Variants in CDH18 observed in about 807,000 individuals in gnomAD.
The protein encoded by CDH18 is cadherin-18.
Under a neutral mutation model 67.9 loss-of-function variants are expected in CDH18, and 31 were observed. The ratio of observed to expected loss-of-function variants is 0.46; its 90% CI spans 0.34 to 0.62. The LOEUF (loss-of-function observed/expected upper bound fraction) is 0.62. CDH18 is among the 20% of genes least tolerant of loss of function. CDH18 has a pLI of 0.01. For synonymous variants in CDH18, 362 were observed against 347.2 expected, an observed-to-expected ratio of 1.04 and a Z score of -0.48; for missense variants, 890 against 975.5, an observed-to-expected ratio of 0.91 and a Z score of 1.17.
intron 1 of CDH18, among the ~76,000 whole-genome samples, chr5:20,455,536 C>T (rs772355905): frequency 5.3e-5 from 8 of 151,998 alleles, no homozygotes; most frequent in South Asian, 2.1e-4. Context: ...AGGGGATAGA[C>T]GCTAAGATAA....
At chr5:20,341,281 C>G (rs552561885) in intron 1 of CDH18, among the ~76,000 whole-genome samples, 1 of 152,058 alleles carries the variant, frequency 6.6e-6, no homozygotes, top group Non-Finnish European at 1.5e-5. Context: ...AAATCAGCAA[C>G]CAGCGAATAT....
chr5:20,035,229 T>G (rs916682635), intron 2 of CDH18, among the ~76,000 whole-genome samples: 3 of 152,074 alleles, frequency 2.0e-5, no homozygotes, highest in Non-Finnish European at 4.4e-5. Flanking sequence ...TATGACTGCA[T>G]AAATCATCCC....
Position 19,994,726 on chromosome 5 carries a change from TATATATATATATAGAGAGAG to T in CDH18, c.-517-2732_-517-2713del, listed in dbSNP as rs1172313346. Reference sequence around the variant, plus strand: ...GTATATATATATATATATATATATATATATATATATATAGAGAGAGAGAGAGAGAGAGAGAGAGAGAGAGA... The same window carrying T: ...GTATATATATATATATATATATATATAGAGAGAGAGAGAGAGAGAGAGAGA... On this transcript the variant is annotated intron_variant, in intron 2 of 14. Coordinates refer to the CDH18 transcript ENST00000507958. Among the ~76,000 whole-genome samples the T allele has an allele frequency of 3.2e-3, 75 of 23,386 alleles. 4 individuals carry two copies. The highest frequency in any genetic ancestry group is 6.8e-3 in the East Asian group (5 of 732). 15.3% of individuals were successfully genotyped at this position (23,386 alleles called of 152,430 possible). A position where few individuals can be genotyped will look rare whatever the true frequency, so the allele number is the denominator to read the frequency against.
chr5:20,413,959 GT>G lies in CDH18; in HGVS notation c.-579-158455del, dbSNP rs1200628943. Among the ~76,000 whole-genome samples, 5 of 152,156 alleles carry G rather than the reference GT, an allele frequency of 3.3e-5. No individual in the cohort carries two copies. In the East Asian group the frequency reaches 9.6e-4, roughly 29 times the overall value. On this transcript the variant is annotated intron_variant, in intron 1 of 14. Coordinates refer to the CDH18 transcript ENST00000507958. ...TTATGGTTTTAGGTCTAACATTTAA[GT>G]GTTGAATCCATCTTGAATTAATTTT...
At chr5:20,211,886 C>T (rs566311244) in intron 2 of CDH18, among the ~76,000 whole-genome samples, 2 of 152,148 alleles carry the variant, frequency 1.3e-5, no homozygotes, top group South Asian at 4.1e-4. Context: ...TCCAAAGGAA[C>T]CAGCTTCTTA....
intron 1 of CDH18, among the ~76,000 whole-genome samples, chr5:20,355,683 A>G (rs138726392): frequency 7.1e-4 from 108 of 152,350 alleles, no homozygotes; most frequent in Non-Finnish European, 1.3e-3. Context: ...TTAATTGGAA[A>G]ACAATATATT....
At chr5:19,913,364 T>C (rs1324692624) in intron 2 of CDH18, among the ~76,000 whole-genome samples, 46 of 152,108 alleles carry the variant, frequency 3.0e-4, no homozygotes, top group Admixed American at 3.0e-3. Flanking sequence ...AATTGGTGTG[T>C]AGGGGTAAAA....
intron 1 of CDH18, among the ~76,000 whole-genome samples, chr5:20,539,748 AC>A (rs1756945554): frequency 1.6e-5 from 2 of 128,342 alleles, no homozygotes; most frequent in Non-Finnish European, 3.5e-5. Flanking sequence ...ACACACACAC[AC>A]ACACACAAAC....
intron 2 of CDH18, among the ~76,000 whole-genome samples, chr5:19,854,579 G>C (rs1481022858): frequency 6.6e-6 from 1 of 151,862 alleles, no homozygotes; most frequent in Non-Finnish European, 1.5e-5. Context: ...ATGTAAAATG[G>C]AAATGTTATG....
At chr5:19,983,354 G>A (rs907154127) in intron 1 of CDH18, among the ~76,000 whole-genome samples, 1 of 152,064 alleles carries the variant, frequency 6.6e-6, no homozygotes, top group Non-Finnish European at 1.5e-5. Context: ...GAATCCTTAT[G>A]ATCATCTAAA....
At chr5:20,143,517 A>G (rs1161283008) in intron 2 of CDH18, among the ~76,000 whole-genome samples, 2 of 151,994 alleles carry the variant, frequency 1.3e-5, no homozygotes, top group Admixed American at 1.3e-4. Context: ...ATACGCATGC[A>G]CCGCTATGCC....
chr5:20,518,749 C>A (rs1374718672), intron 1 of CDH18, among the ~76,000 whole-genome samples: 1 of 152,118 alleles, frequency 6.6e-6, no homozygotes, highest in Non-Finnish European at 1.5e-5. Flanking sequence ...GTTTATCCGT[C>A]GTATTCAGAA....
intron 2 of CDH18, among the ~76,000 whole-genome samples, chr5:20,047,334 C>T (rs2150483505): frequency 6.6e-6 from 1 of 151,908 alleles, no homozygotes; most frequent in South Asian, 2.1e-4. Context: ...ATATGTTTTA[C>T]ATAGGAAATT....
At chr5:19,670,572 T>C (rs968143112) in intron 5 of CDH18, among the ~76,000 whole-genome samples, 2 of 152,122 alleles carry the variant, frequency 1.3e-5, no homozygotes, top group African/African-American at 4.8e-5. Context: ...CGATTTATAT[T>C]AAAAAGCTCA....
At chr5:20,379,918 G>T (rs1430795854) in intron 1 of CDH18, among the ~76,000 whole-genome samples, 1 of 151,878 alleles carries the variant, frequency 6.6e-6, no homozygotes, top group African/African-American at 2.4e-5. Flanking sequence ...TGGCCTTCTA[G>T]ATAGACACTA....
At chr5:19,867,234 T>C (rs534692292) in intron 2 of CDH18, among the ~76,000 whole-genome samples, 1 of 152,302 alleles carries the variant, frequency 6.6e-6, no homozygotes, top group African/African-American at 2.4e-5. Context: ...ATTTTACTCA[T>C]CACTTATTTG....
intron 7 of CDH18, among the ~76,000 whole-genome samples, chr5:19,582,939 G>C (rs989744283): frequency 6.6e-6 from 1 of 151,728 alleles, no homozygotes; most frequent in African/African-American, 2.4e-5. Context: ...ATCTAGTATG[G>C]TTGTAGCGGA....
intron 5 of CDH18, among the ~76,000 whole-genome samples, chr5:19,704,434 AC>A (rs1288608528): frequency 6.6e-6 from 1 of 152,172 alleles, no homozygotes; most frequent in Non-Finnish European, 1.5e-5. Context: ...ATTTATTACA[AC>A]AATGGGGAGC....
chr5:19,655,613 G>A (rs936882950), intron 5 of CDH18, among the ~76,000 whole-genome samples: 8 of 152,054 alleles, frequency 5.3e-5, no homozygotes, highest in East Asian at 1.9e-4. Context: ...CTAACTCTGC[G>A]TATCATCTAC....
Sources: allele counts gnomAD v4.1 joint callset (sites outside exome capture counted in the v4.1 genomes callset), GRCh38; gene constraint gnomAD v4.1.1; transcripts MANE v1.5; gene names NCBI Gene and HGNC (gene_info 2026-07-23, HGNC 2026-07-21).